Variants in SET observed in about 807,000 individuals in gnomAD.
The protein encoded by SET is SET nuclear proto-oncogene, also known as protein SET.
SET carries 4 observed loss-of-function variants against 39.0 expected under a neutral mutation model. That is an observed-to-expected ratio of 0.10 (90% CI 0.05 to 0.23). The LOEUF is 0.23. Ranked by LOEUF, SET falls within the 10% of genes least tolerant of loss-of-function variation. The probability of loss-of-function intolerance (pLI) is 1.00; values close to 1 mark genes in which losing one functional copy is unlikely to be tolerated. For synonymous variants in SET, 114 were observed against 115.9 expected, an observed-to-expected ratio of 0.98 and a Z score of 0.11; for missense variants, 137 against 329.7, an observed-to-expected ratio of 0.42 and a Z score of 4.53.
chr9:128,690,494 C>T (rs994539936), intron 1 of SET: 2 of 153,230 alleles, frequency 1.3e-5, no homozygotes, highest in Non-Finnish European at 2.9e-5. Context: ...ACCCCCTTTT[C>T]TTCCTCTCCC....
intron 6 of SET, 27 bp downstream of exon 6, chr9:128,693,835 G>C (rs745644219): frequency 1.9e-6 from 3 of 1,608,450 alleles, no homozygotes; most frequent in Non-Finnish European, 2.5e-6. Context: ...ATTTATTCAA[G>C]GTTGGACTTG....
At position 128,689,261 on chromosome 9, in the gene SET, G is replaced by C. The variant is rs1020548956; in HGVS notation, c.-322G>C. The C allele has an allele frequency of 9.9e-7, 1 of 1,006,446 alleles. No homozygotes were observed. The allele number at this position is 1,006,446 out of a possible 1,614,324, so 62.3% of individuals were successfully genotyped here. Reference sequence around the variant, plus strand: ...GGAGGTGGAGGAGGAGGCGGCTCGGGAGAGCGAGCAGCGAGCTGGCTGGAT... The same window carrying C: ...GGAGGTGGAGGAGGAGGCGGCTCGGCAGAGCGAGCAGCGAGCTGGCTGGAT... On this transcript the variant is annotated 5_prime_UTR_variant, in exon 1 of 8. Transcript: ENST00000322030.
In SET at chr9:128,689,415, A is replaced by G. The variant is rs1861413312; in HGVS notation, c.-168A>G. On this transcript the variant is annotated 5_prime_UTR_variant, in exon 1 of 8. Coordinates refer to ENST00000322030, the MANE Select transcript of SET (RefSeq NM_003011.4). ...TCCCTCGGCGTCAGGCCGCGAGGGT[A>G]GCGCGCGCGAGCGAGCGAGGGGGAG... is the stretch of plus-strand genomic sequence containing the variant. The G allele has an allele frequency of 2.0e-6, 1 of 511,660 alleles. No individual in the cohort carries two copies. The highest frequency in any genetic ancestry group is 2.6e-6 in the Non-Finnish European group (1 of 381,588). 31.7% of individuals were successfully genotyped at this position (511,660 alleles called of 1,614,324 possible).
upstream of SET, among the ~76,000 whole-genome samples, chr9:128,686,538 C>T (rs556264620): frequency 1.3e-5 from 2 of 152,154 alleles, no homozygotes; most frequent in Non-Finnish European, 2.9e-5. Context: ...AGCCCAGGAG[C>T]GGGTCGTGAA....
At position 128,689,525 on chromosome 9, in the gene SET, C is replaced by T; in HGVS notation, c.-58C>T. ...CGTGAGGGGAAGCCGCTTGCCCGCCCCCTTCGCCTTCCCTTCTCTCCCCCT... is the reference window on the plus strand; with the variant it reads ...CGTGAGGGGAAGCCGCTTGCCCGCCTCCTTCGCCTTCCCTTCTCTCCCCCT... On this transcript the variant is annotated 5_prime_UTR_variant, in exon 1 of 8. Transcript: ENST00000322030. The T allele has an allele frequency of 1.2e-6, 1 of 847,200 alleles. No homozygotes were observed. Among genetic ancestry groups the T allele is most frequent in the South Asian group, 2.3e-5 (1 of 43,912 alleles). The allele number at this position is 847,200 out of a possible 1,614,324, so 52.5% of individuals were successfully genotyped here. A position where few individuals can be genotyped will look rare whatever the true frequency, so the allele number is the denominator to read the frequency against.
chr9:128,690,967 CCAG>C, intron 1 of SET, 200 bp from the exon 2 acceptor site: 1 of 633,440 alleles, frequency 1.6e-6, no homozygotes, highest in South Asian at 1.7e-5. Flanking sequence ...TCTGAGTAAA[CCAG>C]CAGACAGCAT....
chr9:128,695,309 T>C lies in SET; in HGVS notation c.*645T>C. The C allele has an allele frequency of 4.4e-6, 1 of 224,900 alleles. No homozygotes were observed. Among genetic ancestry groups the C allele is most frequent in the African/African-American group, 2.2e-5 (1 of 44,956 alleles). The allele number at this position is 224,900 out of a possible 1,614,324, so 13.9% of individuals were successfully genotyped here. A position where few individuals can be genotyped will look rare whatever the true frequency, so the allele number is the denominator to read the frequency against. Reference sequence around the variant, plus strand: ...TCCTTGCAGTTTAAGATGACACTTTTAAAATAAATTCTCTCCTAATGATGA... The same window carrying C: ...TCCTTGCAGTTTAAGATGACACTTTCAAAATAAATTCTCTCCTAATGATGA... On this transcript the variant is annotated 3_prime_UTR_variant, in exon 8 of 8. Transcript: ENST00000322030.
rs1554775794 is a variant in SET at position 128,689,618 on chromosome 9, G to T, written c.36G>T (p.Glu12Asp). The part of the protein sequence containing the change: ...SAPAAKVSKK[E>D]LNSNHDGADE... ...CGGCGGCCAAAGTCAGTAAAAAGGA[G>T]CTCAACTCCAACCACGACGGGGCCG... is the stretch of plus-strand genomic sequence containing the variant. The change falls in exon 1 of 8, where the codon GAG becomes GAT. Residue 12 changes from glutamate to aspartate, a missense_variant. Coordinates refer to ENST00000322030, the MANE Select transcript of SET (RefSeq NM_003011.4). 7.3e-7 allele frequency: 1 copy of T among 1,374,128 alleles called. No homozygotes were observed. Among genetic ancestry groups the T allele is most frequent in the East Asian group, 3.1e-5 (1 of 31,754 alleles). The allele number at this position is 1,374,128 out of a possible 1,614,324, so 85.1% of individuals were successfully genotyped here.
Position 128,695,150 on chromosome 9 carries a change from GAA to G in SET, c.*494_*495del, listed in dbSNP as rs1042416605. On this transcript the variant is annotated 3_prime_UTR_variant, in exon 8 of 8. Transcript: ENST00000322030. ...GTCTACTTTCTCTTGTTTAAAAAAA[GAA>G]AAAAAAACTTAAAAAAATGGGGTTA... The G allele has an allele frequency of 4.6e-6, 1 of 215,954 alleles. No homozygotes were observed. The highest frequency in any genetic ancestry group is 2.3e-5 in the African/African-American group (1 of 44,302). 13.4% of individuals were successfully genotyped at this position (215,954 alleles called of 1,614,324 possible).
chr9:128,689,005 G>C (rs1176812248), upstream of SET, among the ~76,000 whole-genome samples: 3 of 151,428 alleles, frequency 2.0e-5, no homozygotes, highest in East Asian at 3.9e-4. Context: ...GTCCTGGGTC[G>C]GGCCGGAGAG....
chr9:128,684,738 C>T (rs967723038), upstream of SET, among the ~76,000 whole-genome samples: 36 of 152,200 alleles, frequency 2.4e-4, no homozygotes, highest in Non-Finnish European at 3.8e-4. Context: ...CTCTCCTTAC[C>T]TGTGCACCAC....
chr9:128,692,552 A>G, intron 3 of SET, 110 bp from the exon 4 acceptor site: 1 of 710,618 alleles, frequency 1.4e-6, no homozygotes, highest in Non-Finnish European at 2.5e-6. Context: ...TAATGGGTTT[A>G]TAAAACCAAA....
intron 3 of SET, 184 bp from the exon 4 acceptor site, chr9:128,692,478 C>T (rs1334538062): frequency 6.3e-6 from 3 of 475,902 alleles, no homozygotes; most frequent in South Asian, 2.4e-5. Flanking sequence ...TTAGGAGAAG[C>T]TATATTCTAA....
chr9:128,690,714 A>C, intron 1 of SET: 2 of 182,104 alleles, frequency 1.1e-5, no homozygotes, highest in Non-Finnish European at 2.3e-5. Context: ...AGAGTCGTCA[A>C]CTTTCTATGA....
chr9:128,691,066 C>T (rs1564359755), intron 1 of SET, 104 bp from the exon 2 acceptor site: 1 of 852,388 alleles, frequency 1.2e-6, no homozygotes, highest in Non-Finnish European at 2.0e-6. Context: ...TTGTACTAGG[C>T]GTTTTTGTTT....
upstream of SET, among the ~76,000 whole-genome samples, chr9:128,689,016 G>A (rs1241602541): frequency 6.6e-6 from 1 of 151,196 alleles, no homozygotes; most frequent in Non-Finnish European, 1.5e-5. Flanking sequence ...GGCCGGAGAG[G>A]GGAGAGCGGG....
exon 1 of SET, chr9:128,683,784 G>A (rs996616384): frequency 7.9e-5 from 67 of 850,826 alleles, no homozygotes; most frequent in Non-Finnish European, 1.1e-4. Flanking sequence ...TTCCAGGCAG[G>A]GCGGCTCCAG....
At chr9:128,686,640 G>A (rs1861293218), upstream of SET, among the ~76,000 whole-genome samples, 1 of 152,078 alleles carries the variant, frequency 6.6e-6, no homozygotes, top group Non-Finnish European at 1.5e-5. Flanking sequence ...TGTGTGCTAG[G>A]TCATGATGTC....
At position 128,695,983 on chromosome 9, in the gene SET, AG is replaced by A. The variant is rs1861723867; in HGVS notation, c.*1321del. 2 of 226,198 alleles carry A rather than the reference AG, an allele frequency of 8.8e-6. No homozygotes were observed. Among genetic ancestry groups the A allele is most frequent in the Non-Finnish European group, 1.8e-5 (2 of 113,052 alleles). The allele number at this position is 226,198 out of a possible 1,614,324, so 14.0% of individuals were successfully genotyped here. ...CTATATAAAATGTGGCCAAGAAGAT[AG>A]GCTCTCAGTAAGAAGTCTGATGGTG... On this transcript the variant is annotated 3_prime_UTR_variant, in exon 8 of 8. Transcript: ENST00000322030.
Sources: gnomAD v4.1 joint callset for allele counts (sites outside exome capture counted in the v4.1 genomes callset) on GRCh38, gnomAD v4.1.1 for gene constraint, MANE v1.5 for transcripts, NCBI Gene and HGNC (gene_info 2026-07-23, HGNC 2026-07-21) for gene names.